The following ZNF250 variants were observed in gnomAD, a reference collection of about 807,000 sequenced individuals.
The protein encoded by ZNF250 is zinc finger protein 250.
Under a neutral mutation model 37.1 loss-of-function variants are expected in ZNF250, and 13 were observed. The observed-to-expected ratio is 0.35, with a 90% CI of 0.23 to 0.56. ZNF250 has a LOEUF of 0.56. Ranked by LOEUF, ZNF250 falls within the 20% of genes least tolerant of loss-of-function variation. The probability of loss-of-function intolerance (pLI) is 0.87; values close to 1 mark genes in which losing one functional copy is unlikely to be tolerated. For synonymous variants in ZNF250, 251 were observed against 265.6 expected, an observed-to-expected ratio of 0.94 and a Z score of 0.54; for missense variants, 474 against 697.9, an observed-to-expected ratio of 0.68 and a Z score of 3.61.
intron 4 of ZNF250, among the ~76,000 whole-genome samples, chr8:144,887,715 C>T (rs1054728469): frequency 1.3e-5 from 2 of 152,126 alleles, no homozygotes; most frequent in Non-Finnish European, 2.9e-5. Context: ...AGCAAAATGC[C>T]CTCCTGTGTT....
In ZNF250 at chr8:144,890,434, A is replaced by G; in HGVS notation, c.-54-31T>C. The G allele has an allele frequency of 7.4e-7, 1 of 1,348,628 alleles. No individual in the cohort carries two copies. Among genetic ancestry groups the G allele is most frequent in the African/African-American group, 1.5e-5 (1 of 68,572 alleles). The allele number at this position is 1,348,628 out of a possible 1,614,324, so 83.5% of individuals were successfully genotyped here. A position where few individuals can be genotyped will look rare whatever the true frequency, so the allele number is the denominator to read the frequency against. ...GAAGAGGAGGGGGCAAGTGAGGGGCATGGCCTTGAGACCGTAACTTCCTAG... is the reference window on the plus strand; with the variant it reads ...GAAGAGGAGGGGGCAAGTGAGGGGCGTGGCCTTGAGACCGTAACTTCCTAG... On this transcript the variant is annotated intron_variant, in intron 1 of 5. Coordinates refer to ENST00000417550, the MANE Select transcript of ZNF250 (RefSeq NM_001109689.4). The surrounding 1 kb of genome is among the most constrained non-coding windows in gnomAD (Gnocchi z 5.1).
intron 1 of ZNF250, among the ~76,000 whole-genome samples, chr8:144,894,860 T>C (rs1286456459): frequency 2.0e-5 from 3 of 151,934 alleles, no homozygotes; most frequent in Admixed American, 6.6e-5. Context: ...GACGAGGTCT[T>C]GCTGTGTTGC....
chr8:144,900,952 G>A (rs921892562), intron 1 of ZNF250, among the ~76,000 whole-genome samples: 24 of 152,208 alleles, frequency 1.6e-4, no homozygotes, highest in African/African-American at 4.8e-4. Context: ...AGAGCGGCCC[G>A]GGGGTCCGGA....
At position 144,890,215 on chromosome 8, in the gene ZNF250, G is replaced by A; in HGVS notation, c.42+93C>T. 1 of 1,497,422 alleles carries A rather than the reference G, an allele frequency of 6.7e-7. No homozygotes were observed. The highest frequency in any genetic ancestry group is 9.1e-7 in the Non-Finnish European group (1 of 1,095,906). The allele number at this position is 1,497,422 out of a possible 1,614,324, so 92.8% of individuals were successfully genotyped here. ...GGCCGCGGAGTTCAGGGCATGTGGT[G>A]ACGCTCTGGCTGCTCTTAGGAGCTC... On this transcript the variant is annotated intron_variant, in intron 2 of 5. Transcript: ENST00000417550. This position sits in a 1 kb window ranked among gnomAD's most constrained non-coding sequence, Gnocchi z 5.1.
intron 1 of ZNF250, among the ~76,000 whole-genome samples, chr8:144,896,098 ACCTATAATC>A (rs1832705654): frequency 6.6e-6 from 1 of 151,874 alleles, no homozygotes; most frequent in Admixed American, 6.6e-5. Flanking sequence ...GGTGACTCAC[ACCTATAATC>A]CCAGTACTTT....
At position 144,889,586 on chromosome 8, in the gene ZNF250, T is replaced by C. The variant is rs1023396914; in HGVS notation, c.278A>G (p.Tyr93Cys). The change falls in exon 4 of 6, where the codon TAC (tyrosine) becomes TGC (cysteine). Residue 93 changes from tyrosine to cysteine, a missense_variant. Tyr to Cys is a radical substitution (Grantham distance 194). This residue lies in a region of ZNF250 where 192 missense variants were observed against 227.5 expected (regional missense o/e 0.84). Transcript: ENST00000417550. The stretch of plus-strand genomic sequence containing the variant: ...GGCCAGCTCTCCTCACTCACCTGAG[T>C]AGTCACTCCACAGGCCCTGGCTCTT... ...AKKSQGLWSDYSDNLKYDHTT... is the reference protein window; with the variant it reads ...AKKSQGLWSDCSDNLKYDHTT... The C allele has an allele frequency of 9.9e-6, 16 of 1,611,840 alleles. No homozygotes were observed. In the Admixed American group the frequency reaches 2.5e-4, roughly 25 times the overall value.
chr8:144,897,793 G>C lies in ZNF250; in HGVS notation c.-55+3606C>G, dbSNP rs934224734. ...AAAAGTATCCCTTATGGGAAACGAA[G>C]GGATGGGCCGAATTAAAGGAATAGG... On this transcript the variant is annotated intron_variant, in intron 1 of 5. Transcript: ENST00000417550. The surrounding 1 kb of genome is among the most constrained non-coding windows in gnomAD (Gnocchi z 5.2). 6.6e-6 allele frequency among the ~76,000 whole-genome samples: 1 copy of C among 152,212 alleles called. No individual in the cohort carries two copies. The highest frequency in any genetic ancestry group is 2.4e-5 in the African/African-American group (1 of 41,448).
At position 144,889,535 on chromosome 8, in the gene ZNF250, A is replaced by G. The variant is rs775019215; in HGVS notation, c.283+46T>C. 4 of 1,495,768 alleles carry G rather than the reference A, an allele frequency of 2.7e-6. No homozygotes were observed. In the South Asian group the frequency reaches 4.6e-5, roughly 17 times the overall value. 92.7% of individuals were successfully genotyped at this position (1,495,768 alleles called of 1,614,324 possible). A position where few individuals can be genotyped will look rare whatever the true frequency, so the allele number is the denominator to read the frequency against. The stretch of plus-strand genomic sequence containing the variant: ...AACTAGGTCCACAGCTTTGCTCAGG[A>G]CCTGTTTAGCCCTCAGTGAGGGAGG... On this transcript the variant is annotated intron_variant, in intron 4 of 5. Transcript: ENST00000417550.
chr8:144,882,798 T>C lies in ZNF250; in HGVS notation c.385A>G (p.Ser129Gly). 1 of 1,613,240 alleles carries C rather than the reference T, an allele frequency of 6.2e-7. No individual in the cohort carries two copies. The highest frequency in any genetic ancestry group is 8.5e-7 in the Non-Finnish European group (1 of 1,179,498). ...TKGESQNTDL[S>G]PKPLISEQTV... ...TGCTCTGAAATTAATGGCTTCGGAC[T>C]CAAGTCTGTATTTTGACTCTCTCCC... Residue 129 changes from serine to glycine, a missense_variant, in exon 6 of 6, where the codon AGT becomes GGT. By Grantham distance (56) the Ser-to-Gly change is moderately conservative (BLOSUM62 0). Coordinates refer to ENST00000417550, the MANE Select transcript of ZNF250 (RefSeq NM_001109689.4). The surrounding 1 kb of genome is among the most constrained non-coding windows in gnomAD (Gnocchi z 5.5).
chr8:144,887,729 T>C (rs1384006518), intron 4 of ZNF250, among the ~76,000 whole-genome samples: 1 of 152,212 alleles, frequency 6.6e-6, no homozygotes, highest in South Asian at 2.1e-4. Context: ...CTGTGTTTTC[T>C]TGTCTCCTAC....
At chr8:144,898,747 G>C (rs367658211) in intron 1 of ZNF250, among the ~76,000 whole-genome samples, 108 of 152,210 alleles carry the variant, frequency 7.1e-4, no homozygotes, top group African/African-American at 2.5e-3. Flanking sequence ...AATAGAAAGA[G>C]ACAACTAATC....
chr8:144,885,205 T>C (rs1831783596), intron 5 of ZNF250, among the ~76,000 whole-genome samples: 1 of 151,914 alleles, frequency 6.6e-6, no homozygotes, highest in Non-Finnish European at 1.5e-5. Context: ...CCGCAACCTC[T>C]GCCTCCCAGG....
In ZNF250 at chr8:144,877,252, A is replaced by C. The variant is rs1463829795; in HGVS notation, c.*4263T>G. ...CAGGCGCAAGCCACAACACCCAGCT[A>C]ATTTTTTTTTTGTAGAGACGGGTTT... On this transcript the variant is annotated 3_prime_UTR_variant, in exon 6 of 6. Transcript: ENST00000417550. The C allele has an allele frequency of 6.6e-6, 1 of 152,012 alleles. No individual in the cohort carries two copies. Among genetic ancestry groups the C allele is most frequent in the African/African-American group, 2.4e-5 (1 of 41,338 alleles). The allele number at this position is 152,012 out of a possible 1,614,324, so 9.4% of individuals were successfully genotyped here. A position where few individuals can be genotyped will look rare whatever the true frequency, so the allele number is the denominator to read the frequency against.
rs1334651853 is a variant in ZNF250, at chr8:144,879,813, C to T, written c.*1702G>A. ...GGGTGCGGTGGCACACGCCTGTAAT[C>T]CCAGCACTTTGGGAGGCCGAGGCGG... On this transcript the variant is annotated 3_prime_UTR_variant, in exon 6 of 6. Coordinates refer to ENST00000417550, the MANE Select transcript of ZNF250 (RefSeq NM_001109689.4). The T allele has an allele frequency of 1.3e-5, 2 of 152,398 alleles. No individual in the cohort carries two copies. Among genetic ancestry groups the T allele is most frequent in the Non-Finnish European group, 2.9e-5 (2 of 68,184 alleles). 9.4% of individuals were successfully genotyped at this position (152,398 alleles called of 1,614,324 possible).
At position 144,880,167 on chromosome 8, in the gene ZNF250, C is replaced by T. The variant is rs1431695860; in HGVS notation, c.*1348G>A. The T allele has an allele frequency of 5.4e-6, 1 of 185,346 alleles. No individual in the cohort carries two copies. Among genetic ancestry groups the T allele is most frequent in the Non-Finnish European group, 1.2e-5 (1 of 86,204 alleles). The allele number at this position is 185,346 out of a possible 1,614,324, so 11.5% of individuals were successfully genotyped here. Reference sequence around the variant, plus strand: ...ATTCATCTTCATCATAGTAATATGGCAATGGATACTGGACTCTTGAACCAG... The same window carrying T: ...ATTCATCTTCATCATAGTAATATGGTAATGGATACTGGACTCTTGAACCAG... On this transcript the variant is annotated 3_prime_UTR_variant, in exon 6 of 6. Coordinates refer to ENST00000417550, the MANE Select transcript of ZNF250 (RefSeq NM_001109689.4).
chr8:144,896,172 C>CA (rs1381464638), intron 1 of ZNF250, among the ~76,000 whole-genome samples: 5 of 151,804 alleles, frequency 3.3e-5, no homozygotes, highest in Admixed American at 2.6e-4. Context: ...ACACCCTGGA[C>CA]AATATAGTGA....
rs1831373832 is a variant in ZNF250 at position 144,880,258 on chromosome 8, A to G, written c.*1257T>C. On this transcript the variant is annotated 3_prime_UTR_variant, in exon 6 of 6. Transcript: ENST00000417550. ...ATAGAAATACTAGAGATAGTAAAAAAGAGCTATCTGAATTTGAGAAATGTA... is the reference window on the plus strand; with the variant it reads ...ATAGAAATACTAGAGATAGTAAAAAGGAGCTATCTGAATTTGAGAAATGTA... The G allele has an allele frequency of 6.7e-6, 2 of 296,992 alleles. No individual in the cohort carries two copies. Among genetic ancestry groups the G allele is most frequent in the East Asian group, 7.8e-5 (1 of 12,778 alleles). The allele number at this position is 296,992 out of a possible 1,614,324, so 18.4% of individuals were successfully genotyped here.
At position 144,891,729 on chromosome 8, in the gene ZNF250, G is replaced by A. The variant is rs1674261403; in HGVS notation, c.-54-1326C>T. Among the ~76,000 whole-genome samples the A allele has an allele frequency of 6.6e-6, 1 of 152,196 alleles. No homozygotes were observed. ...TAGCCGGGTGTGGTGGTGCACGCCTGTAGTCCCAGCTACTCAGGAGGCTGA... is the reference window on the plus strand; with the variant it reads ...TAGCCGGGTGTGGTGGTGCACGCCTATAGTCCCAGCTACTCAGGAGGCTGA... On this transcript the variant is annotated intron_variant, in intron 1 of 5. Transcript: ENST00000417550. The surrounding 1 kb of genome is among the most constrained non-coding windows in gnomAD (Gnocchi z 4.0).
At chr8:144,884,865 A>C (rs1009632674) in intron 5 of ZNF250, among the ~76,000 whole-genome samples, 6 of 152,008 alleles carry the variant, frequency 3.9e-5, no homozygotes, top group African/African-American at 1.2e-4. Flanking sequence ...CATTTTTTCC[A>C]TTCTGAAGGT....
Sources: allele counts gnomAD v4.1 joint callset (sites outside exome capture counted in the v4.1 genomes callset), GRCh38; gene constraint gnomAD v4.1.1; regional missense constraint gnomAD v4.1.1; non-coding constraint Gnocchi (gnomAD v3.1); transcripts MANE v1.5; gene names NCBI Gene and HGNC (gene_info 2026-07-23, HGNC 2026-07-21).